The following PLD1 variants were observed in gnomAD, a reference collection of about 807,000 sequenced individuals.
The protein encoded by PLD1 is phospholipase D1, also known as choline phosphatase 1.
PLD1 carries 112 observed loss-of-function variants against 137.1 expected under a neutral mutation model. The ratio of observed to expected loss-of-function variants is 0.82; its 90% CI spans 0.70 to 0.96. PLD1 has a LOEUF of 0.96. Ranked by LOEUF, PLD1 falls within the 40% of genes least tolerant of loss-of-function variation. The probability of loss-of-function intolerance (pLI) is 0.00; values close to 1 mark genes in which losing one functional copy is unlikely to be tolerated. For synonymous variants in PLD1, 431 were observed against 454.7 expected (o/e 0.95, Z 0.66); for missense variants, 1,321 against 1,342.0 (o/e 0.98, Z 0.24).
At chr3:171,684,773 G>A (rs1714379566) in intron 16 of PLD1, among the ~76,000 whole-genome samples, 1 of 151,992 alleles carries the variant, frequency 6.6e-6, no homozygotes, top group Non-Finnish European at 1.5e-5. Context: ...TTTTTGTAGA[G>A]AGGGGGTTTC....
At chr3:171,779,058 G>A (rs1381746673) in intron 1 of PLD1, among the ~76,000 whole-genome samples, 5 of 152,020 alleles carry the variant, frequency 3.3e-5, no homozygotes, top group African/African-American at 7.3e-5. Context: ...GTATGGTGGC[G>A]GGCGCCTGTA....
intron 23 of PLD1, among the ~76,000 whole-genome samples, chr3:171,629,570 A>G (rs1376327095): frequency 6.6e-6 from 1 of 152,198 alleles, no homozygotes; most frequent in Non-Finnish European, 1.5e-5. Context: ...TCCTAAGCCA[A>G]AAGAACAAAG....
In PLD1 at chr3:171,688,849, A is replaced by G; in HGVS notation, c.1366T>C (p.Ser456Pro). ...TGGTGAGCCCACAAATAGACGGTGG[A>G]TGACACATGATCCGGGTGTCTCATC... ...KVMRHPDHVS[S>P]TVYLWAHHEK... The change falls in exon 14 of 27, where the codon TCC becomes CCC. Residue 456 changes from serine (S) to proline (P), a missense_variant. Transcript: ENST00000351298. The G allele has an allele frequency of 6.2e-7, 1 of 1,614,026 alleles. No individual in the cohort carries two copies. Among genetic ancestry groups the G allele is most frequent in the Non-Finnish European group, 8.5e-7 (1 of 1,179,938 alleles).
chr3:171,619,933 A>G (rs1304012963), intron 24 of PLD1, among the ~76,000 whole-genome samples: 4 of 152,072 alleles, frequency 2.6e-5, no homozygotes, highest in Non-Finnish European at 5.9e-5. Flanking sequence ...TAAAAAAAAA[A>G]GGGAGTAATA....
At chr3:171,643,685 G>A (rs1735964228) in intron 22 of PLD1, among the ~76,000 whole-genome samples, 1 of 151,956 alleles carries the variant, frequency 6.6e-6, no homozygotes, top group South Asian at 2.1e-4. Context: ...TATTAGAATG[G>A]CGAATGAAAT....
intron 11 of PLD1, among the ~76,000 whole-genome samples, chr3:171,701,776 A>G (rs1716257288): frequency 6.6e-6 from 1 of 152,242 alleles, no homozygotes; most frequent in Admixed American, 6.5e-5. Context: ...ATTGTTTAAT[A>G]TTACATTTCA....
chr3:171,646,029 T>C (rs1736183344), intron 21 of PLD1, among the ~76,000 whole-genome samples: 1 of 151,976 alleles, frequency 6.6e-6, no homozygotes, highest in South Asian at 2.1e-4. Context: ...CTCAATGATA[T>C]AACAATAGAA....
chr3:171,758,568 T>C (rs531960996), intron 1 of PLD1, among the ~76,000 whole-genome samples: 6 of 152,306 alleles, frequency 3.9e-5, no homozygotes, highest in East Asian at 1.9e-4. Context: ...GGCCACACTC[T>C]GGAAACAGAA....
chr3:171,761,095 A>G (rs1325529378), intron 1 of PLD1, among the ~76,000 whole-genome samples: 1 of 152,246 alleles, frequency 6.6e-6, no homozygotes, highest in Admixed American at 6.5e-5. Flanking sequence ...ACACGTATAC[A>G]TGTATAGGCT....
intron 1 of PLD1, chr3:171,793,009 G>C (rs951640199): frequency 2.1e-5 from 6 of 280,990 alleles, no homozygotes; most frequent in Non-Finnish European, 3.5e-5. Context: ...TTGCATTGAA[G>C]GTCCTACGGA....
rs774704143 is a variant in PLD1, at chr3:171,710,872, C to CTTTT, written c.912-1167_912-1164dup. ...TTTCACTAATCATAGGAAAACTGTT[C>CTTTT]TTTTTTTTTTTTTTTTTTTGAGACG... is the stretch of plus-strand genomic sequence containing the variant. On this transcript the variant is annotated intron_variant, in intron 9 of 26. Transcript: ENST00000351298. 2.2e-3 allele frequency among the ~76,000 whole-genome samples: 218 copies of CTTTT among 98,552 alleles called. 13 individuals carry two copies. The South Asian group carries it at 0.031, about 14-fold the overall frequency. 64.7% of individuals were successfully genotyped at this position (98,552 alleles called of 152,430 possible). A position where few individuals can be genotyped will look rare whatever the true frequency, so the allele number is the denominator to read the frequency against.
At chr3:171,738,947 G>T (rs1578389134) in intron 1 of PLD1, among the ~76,000 whole-genome samples, 1 of 152,148 alleles carries the variant, frequency 6.6e-6, no homozygotes, top group East Asian at 1.9e-4. Flanking sequence ...TTAAAACCAG[G>T]CCCTAGAATG....
At chr3:171,714,206 CA>C (rs896546561) in intron 8 of PLD1, among the ~76,000 whole-genome samples, 161 bp from the exon 9 acceptor site, 4 of 151,422 alleles carry the variant, frequency 2.6e-5, no homozygotes, top group Admixed American at 6.6e-5. Flanking sequence ...ATGAAACAAA[CA>C]AAAAAAACCC....
intron 1 of PLD1, among the ~76,000 whole-genome samples, chr3:171,748,507 A>G (rs1720424095): frequency 6.6e-6 from 1 of 152,126 alleles, no homozygotes; most frequent in Admixed American, 6.5e-5. Flanking sequence ...AGTGTTTTCA[A>G]TGATAACCCA....
chr3:171,678,609 G>C (rs1578252959), intron 16 of PLD1, among the ~76,000 whole-genome samples: 1 of 152,308 alleles, frequency 6.6e-6, no homozygotes, highest in Middle Eastern at 3.4e-3. Context: ...TGAATAAATG[G>C]TACTGCTTGC....
intron 11 of PLD1, among the ~76,000 whole-genome samples, chr3:171,704,302 G>T (rs1251941821): frequency 6.6e-6 from 1 of 152,146 alleles, no homozygotes; most frequent in East Asian, 1.9e-4. Context: ...TAAAAGGCTG[G>T]TTGGAACTTT....
intron 23 of PLD1, among the ~76,000 whole-genome samples, chr3:171,632,695 A>C (rs969976092): frequency 1.3e-5 from 2 of 152,230 alleles, no homozygotes; most frequent in African/African-American, 2.4e-5. Context: ...AATTAGGATG[A>C]AGGATATATG....
chr3:171,786,630 T>C (rs1723022278), intron 1 of PLD1, among the ~76,000 whole-genome samples: 1 of 152,236 alleles, frequency 6.6e-6, no homozygotes. Flanking sequence ...TCAGAATTTC[T>C]TTTGCTCAAA....
intron 25 of PLD1, among the ~76,000 whole-genome samples, chr3:171,609,220 TAAAAAGTCAAAAAACA>T (rs1490676048): frequency 1.3e-5 from 2 of 152,020 alleles, no homozygotes; most frequent in African/African-American, 2.4e-5. Flanking sequence ...TGACTATTAT[TAAAAAGTCAAAAAACA>T]ACAGCTGTTG....
Sources: allele counts gnomAD v4.1 joint callset (sites outside exome capture counted in the v4.1 genomes callset), GRCh38; gene constraint gnomAD v4.1.1; transcripts MANE v1.5; gene names NCBI Gene and HGNC (gene_info 2026-07-23, HGNC 2026-07-21).